Variants in SNRPN observed in about 807,000 individuals in gnomAD.
The protein encoded by SNRPN is small nuclear ribonucleoprotein-associated protein N.
In SNRPN, 7 loss-of-function variants were observed where a neutral mutation model predicts 25.2. The observed-to-expected ratio is 0.28, with a 90% confidence interval of 0.16 to 0.52. The LOEUF is 0.52. Among genes scored for constraint, SNRPN ranks in the 20% least tolerant of loss-of-function variants. SNRPN has a pLI of 0.96. For synonymous variants in SNRPN, 124 were observed against 110.6 expected (o/e 1.12, Z -0.76); for missense variants, 196 against 322.5 (o/e 0.61, Z 3.00).
Position 24,977,850 on chromosome 15 carries a change from C to T in SNRPN, c.493C>T (p.Pro165Ser). ...TGCGACTGCCAGTATTGCTGGAGCC[C>T]CAACACAGTACCCACCAGGACGGGG... ...VAATASIAGA[P>S]TQYPPGRGTP... The change falls in exon 8 of 10, where the codon CCA becomes TCA. Residue 165 changes from proline to serine, a missense_variant. By Grantham distance (74) the Pro-to-Ser change is moderately conservative. Coordinates refer to ENST00000390687, the MANE Select transcript of SNRPN (RefSeq NM_003097.6). The T allele has an allele frequency of 6.2e-7, 1 of 1,613,264 alleles. No individual in the cohort carries two copies. The highest frequency in any genetic ancestry group is 8.5e-7 in the Non-Finnish European group (1 of 1,179,528).
rs186418933 is a variant in SNRPN, at chr15:24,867,123, C to T, written c.-579+10407C>T. 1.5e-3 allele frequency among the ~76,000 whole-genome samples: 233 copies of T among 152,182 alleles called. 1 individual carries two copies. Among genetic ancestry groups the T allele is most frequent in the Middle Eastern group, 3.4e-3 (1 of 294 alleles). On this transcript the variant is annotated intron_variant, in intron 1 of 11. Transcript: ENST00000400097. ...AGGTATCTCTTCAACATACTGATTT[C>T]ATTTTCTTTGGATATATAGCCAGCG...
chr15:24,909,637 A>G, intron 2 of SNRPN: 1 of 1,239,158 alleles, frequency 8.1e-7, no homozygotes, highest in Non-Finnish European at 1.2e-6. Context: ...AAGCAATCTG[A>G]CAAATGATAT....
intron 1 of SNRPN, among the ~76,000 whole-genome samples, chr15:24,961,549 TTTTGTTTG>T (rs374876404): frequency 1.3e-5 from 2 of 152,118 alleles, no homozygotes; most frequent in African/African-American, 4.8e-5. Flanking sequence ...ATGGCGGGTT[TTTTGTTTG>T]TTTGTTTGTT....
In SNRPN at chr15:24,824,255, A is replaced by G. The variant is rs138648479; in HGVS notation, c.-687+405A>G. Among the ~76,000 whole-genome samples the G allele has an allele frequency of 1.3e-3, 192 of 152,188 alleles. 3 individuals carry two copies. The East Asian group carries it at 0.028, about 22-fold the overall frequency. On this transcript the variant is annotated intron_variant, in intron 1 of 12. Transcript: ENST00000400100. ...GTGGCTTAGTTTGTTCTTATTGTGGAAGGTGCACAAGGAATTAATTTGTGT... is the reference window on the plus strand; with the variant it reads ...GTGGCTTAGTTTGTTCTTATTGTGGGAGGTGCACAAGGAATTAATTTGTGT...
At position 24,938,533 on chromosome 15, in the gene SNRPN, C is replaced by T. The variant is rs538448601; in HGVS notation, c.-391+18409C>T. 2.2e-4 allele frequency among the ~76,000 whole-genome samples: 34 copies of T among 152,214 alleles called. No individual in the cohort carries two copies. In the South Asian group the frequency reaches 5.2e-3, roughly 23 times the overall value. ...CAAGTGATCTGCCTGCCTTGGCCTC[C>T]GAAAGTGCTGGGATTACATGTGTGA... is the stretch of plus-strand genomic sequence containing the variant. On this transcript the variant is annotated intron_variant, in intron 3 of 11. Coordinates refer to the SNRPN transcript ENST00000400097.
chr15:24,871,994 C>A lies in SNRPN; in HGVS notation c.-578-14522C>A, dbSNP rs1254407999. 3.3e-5 allele frequency among the ~76,000 whole-genome samples: 4 copies of A among 120,656 alleles called. 2 individuals carry two copies. Among genetic ancestry groups the A allele is most frequent in the Non-Finnish European group, 7.3e-5 (4 of 54,876 alleles). 79.2% of individuals were successfully genotyped at this position (120,656 alleles called of 152,430 possible). A position where few individuals can be genotyped will look rare whatever the true frequency, so the allele number is the denominator to read the frequency against. ...TGCTAGGATTACAGGCGTAAGCCAC[C>A]ACGCCCGGCCTTTTGTCCTCTTTTT... On this transcript the variant is annotated intron_variant, in intron 1 of 11. Transcript: ENST00000400097.
intron 3 of SNRPN, among the ~76,000 whole-genome samples, chr15:24,936,296 A>G (rs1436070416): frequency 6.6e-6 from 1 of 152,146 alleles, no homozygotes; most frequent in African/African-American, 2.4e-5. Flanking sequence ...GGCATCCAGA[A>G]TTAGGAGGCC....
chr15:24,934,058 G>C (rs977569985), intron 3 of SNRPN, among the ~76,000 whole-genome samples: 6 of 152,102 alleles, frequency 3.9e-5, no homozygotes, highest in African/African-American at 1.4e-4. Context: ...ATCACTTTGG[G>C]AGGCCGAGGC....
At chr15:24,904,484 G>A (rs568185825) in intron 2 of SNRPN, among the ~76,000 whole-genome samples, 4 of 152,108 alleles carry the variant, frequency 2.6e-5, no homozygotes, top group Non-Finnish European at 5.9e-5. Context: ...GTGAAACCCC[G>A]TCTCTACTAA....
At chr15:24,946,322 G>T (rs1233750992) in intron 3 of SNRPN, among the ~76,000 whole-genome samples, 1 of 152,148 alleles carries the variant, frequency 6.6e-6, no homozygotes, top group Non-Finnish European at 1.5e-5. Context: ...TGGGAGGATA[G>T]CTTCAGCCTA....
At chr15:24,881,133 A>G (rs1453924745) in intron 1 of SNRPN, among the ~76,000 whole-genome samples, 3 of 152,152 alleles carry the variant, frequency 2.0e-5, no homozygotes, top group Non-Finnish European at 4.4e-5. Flanking sequence ...AGGTGTTCAA[A>G]GCATAGAAAG....
chr15:24,885,590 G>C (rs1429344250), intron 1 of SNRPN, among the ~76,000 whole-genome samples: 2 of 152,084 alleles, frequency 1.3e-5, no homozygotes, highest in Non-Finnish European at 1.5e-5. Context: ...TTCCTTGCCT[G>C]AGTCTTTCCC....
At chr15:24,832,710 T>A (rs746296940) in intron 2 of SNRPN, among the ~76,000 whole-genome samples, 8 of 152,022 alleles carry the variant, frequency 5.3e-5, no homozygotes, top group Non-Finnish European at 1.2e-4. Flanking sequence ...CATCTTGGAC[T>A]AAGAGTCCAA....
chr15:24,904,887 G>A (rs918403810), intron 2 of SNRPN, among the ~76,000 whole-genome samples: 1 of 148,326 alleles, frequency 6.7e-6, no homozygotes, highest in African/African-American at 2.5e-5. Context: ...AGCTTGCAGT[G>A]AGCCGAGATC....
chr15:24,848,041 C>A (rs1333997911), intron 2 of SNRPN, among the ~76,000 whole-genome samples: 1 of 152,004 alleles, frequency 6.6e-6, no homozygotes, highest in Non-Finnish European at 1.5e-5. Context: ...AAGTCAGGTG[C>A]ATTCGCTCAT....
At chr15:24,876,778 T>C (rs2055939593) in intron 1 of SNRPN, among the ~76,000 whole-genome samples, 1 of 151,996 alleles carries the variant, frequency 6.6e-6, no homozygotes, top group African/African-American at 2.4e-5. Flanking sequence ...CTGAAAACCA[T>C]GTAAATTAGA....
intron 1 of SNRPN, among the ~76,000 whole-genome samples, chr15:24,873,099 G>A (rs2055363833): frequency 8.4e-6 from 1 of 119,188 alleles, no homozygotes; most frequent in Non-Finnish European, 1.8e-5. Flanking sequence ...TACCAGTGTG[G>A]TTCTTTTAGA....
At position 24,918,858 on chromosome 15, in the gene SNRPN, TAAC is replaced by T. The variant is rs1272654135; in HGVS notation, c.-504-1150_-504-1148del. On this transcript the variant is annotated intron_variant, in intron 2 of 11. Transcript: ENST00000400097. ...TAATATATATATGCGCACATATATA[TAAC>T]AATATATATATGTGCATATATATAT... Among the ~76,000 whole-genome samples the T allele has an allele frequency of 7.2e-5, 8 of 111,800 alleles. No individual in the cohort carries two copies. The East Asian group carries it at 1.4e-3, about 19-fold the overall frequency. The allele number at this position is 111,800 out of a possible 152,430, so 73.3% of individuals were successfully genotyped here.
At chr15:24,935,810 CCAGA>C (rs2061189206) in intron 3 of SNRPN, among the ~76,000 whole-genome samples, 1 of 151,930 alleles carries the variant, frequency 6.6e-6, no homozygotes, top group Non-Finnish European at 1.5e-5. Context: ...CTCTTTGGGG[CCAGA>C]CAGAGAAGAA....
Sources: allele counts gnomAD v4.1 joint callset (sites outside exome capture counted in the v4.1 genomes callset), GRCh38; gene constraint gnomAD v4.1.1; transcripts MANE v1.5; gene names NCBI Gene and HGNC (gene_info 2026-07-23, HGNC 2026-07-21).